Variants in DRC11 observed in about 807,000 individuals in gnomAD.
DRC11 encodes the protein IQ and AAA domain-containing protein 1.
the DRC11 span, among the ~76,000 whole-genome samples, chr2:236,417,625 T>C: frequency 2.5e-3 from 378 of 151,938 alleles, 3 homozygotes; most frequent in African/African-American, 8.7e-3. Flanking sequence ...GTTTGTTACA[T>C]AGGTATACAT....
At chr2:236,433,851 T>C in the DRC11 span, among the ~76,000 whole-genome samples, 2 of 152,248 alleles carry the variant, frequency 1.3e-5, no homozygotes, top group Non-Finnish European at 2.9e-5. Context: ...AGTGGAAATG[T>C]TTCTAGTGAA....
the DRC11 span, among the ~76,000 whole-genome samples, chr2:236,392,718 T>C: frequency 6.6e-6 from 1 of 152,216 alleles, no homozygotes; most frequent in South Asian, 2.1e-4. The surrounding 1 kb of genome is among the most constrained non-coding windows in gnomAD (Gnocchi z 5.1). Context: ...TAATGTTTTA[T>C]CTTACTTTTT....
At chr2:236,357,960 TAATATATGAATATATAC>T in the DRC11 span, among the ~76,000 whole-genome samples, 135 of 101,006 alleles carry the variant, frequency 1.3e-3, no homozygotes, top group African/African-American at 5.5e-3. Flanking sequence ...TAAATATATA[TAATATATGAATATATAC>T]TCATATATAA....
At chr2:236,341,651 G>A in the DRC11 span, among the ~76,000 whole-genome samples, 1 of 152,182 alleles carries the variant, frequency 6.6e-6, no homozygotes, top group South Asian at 2.1e-4. Context: ...TCAGAGGGCC[G>A]CAGGGATGCG....
chr2:236,387,011 C>T, the DRC11 span, among the ~76,000 whole-genome samples: 2 of 151,116 alleles, frequency 1.3e-5, no homozygotes, highest in South Asian at 4.2e-4. Context: ...AGTTTGATTG[C>T]ACTGTGGTCT....
chr2:236,327,138 G>A, the DRC11 span, among the ~76,000 whole-genome samples: 1 of 152,154 alleles, frequency 6.6e-6, no homozygotes, highest in African/African-American at 2.4e-5. Flanking sequence ...TACAGAACCA[G>A]GTCTTATAAT....
chr2:236,365,983 C>G, the DRC11 span, among the ~76,000 whole-genome samples: 1 of 152,142 alleles, frequency 6.6e-6, no homozygotes, highest in Non-Finnish European at 1.5e-5. The surrounding 1 kb of genome is among the most constrained non-coding windows in gnomAD (Gnocchi z 7.4). Flanking sequence ...TAGCCCCTTC[C>G]TAGCCCTGTG....
At chr2:236,447,775 T>G in the DRC11 span, among the ~76,000 whole-genome samples, 1 of 152,064 alleles carries the variant, frequency 6.6e-6, no homozygotes, top group Non-Finnish European at 1.5e-5. This position sits in a 1 kb window ranked among gnomAD's most constrained non-coding sequence, Gnocchi z 4.6. Flanking sequence ...ACGTGATGAG[T>G]TCCATTTTCT....
chr2:236,358,623 G>A, the DRC11 span, among the ~76,000 whole-genome samples: 346 of 144,792 alleles, frequency 2.4e-3, 8 homozygotes, highest in African/African-American at 8.5e-3. Context: ...AGCGGGAAGG[G>A]CTTTTTCTGA....
chr2:236,500,404 G>A, the DRC11 span, among the ~76,000 whole-genome samples: 6 of 152,054 alleles, frequency 3.9e-5, no homozygotes, highest in Non-Finnish European at 5.9e-5. The surrounding 1 kb of genome is among the most constrained non-coding windows in gnomAD (Gnocchi z 6.3). Context: ...GAGGGGTCCC[G>A]TGACACAGAG....
At chr2:236,406,411 G>A in the DRC11 span, among the ~76,000 whole-genome samples, 1 of 152,150 alleles carries the variant, frequency 6.6e-6, no homozygotes, top group Non-Finnish European at 1.5e-5. The surrounding 1 kb of genome is among the most constrained non-coding windows in gnomAD (Gnocchi z 4.7). Flanking sequence ...CACACTGGTA[G>A]GGCTGTGGAA....
the DRC11 span, among the ~76,000 whole-genome samples, chr2:236,365,395 C>T: frequency 1.4e-3 from 214 of 151,904 alleles, 1 homozygote; most frequent in African/African-American, 5.0e-3. This position sits in a 1 kb window ranked among gnomAD's most constrained non-coding sequence, Gnocchi z 7.4. Context: ...TGGTAGCATG[C>T]GGTGAGGGGG....
the DRC11 span, chr2:236,408,904 C>A: frequency 1.5e-6 from 1 of 662,044 alleles, no homozygotes; most frequent in Admixed American, 2.1e-5. The surrounding 1 kb of genome is among the most constrained non-coding windows in gnomAD (Gnocchi z 5.5). Flanking sequence ...CTGTTGACTT[C>A]TTGCACGATG....
At chr2:236,377,165 T>C in the DRC11 span, 1 of 1,612,040 alleles carries the variant, frequency 6.2e-7, no homozygotes, top group African/African-American at 1.3e-5. The surrounding 1 kb of genome is among the most constrained non-coding windows in gnomAD (Gnocchi z 4.9). Context: ...CACCAGTTCC[T>C]TATACAGAGA....
chr2:236,483,709 A>G, the DRC11 span, among the ~76,000 whole-genome samples: 1 of 152,218 alleles, frequency 6.6e-6, no homozygotes, highest in African/African-American at 2.4e-5. This position sits in a 1 kb window ranked among gnomAD's most constrained non-coding sequence, Gnocchi z 4.8. Context: ...GGGCCAGGGT[A>G]AAATGTAAAC....
chr2:236,343,784 AT>A, the DRC11 span: 1 of 1,291,764 alleles, frequency 7.7e-7, no homozygotes, highest in African/African-American at 1.5e-5. The surrounding 1 kb of genome is among the most constrained non-coding windows in gnomAD (Gnocchi z 6.6). Flanking sequence ...CCCAGATTAA[AT>A]AATAAATGAG....
At chr2:236,463,548 A>G in the DRC11 span, among the ~76,000 whole-genome samples, 4 of 152,214 alleles carry the variant, frequency 2.6e-5, no homozygotes, top group Non-Finnish European at 5.9e-5. The surrounding 1 kb of genome is among the most constrained non-coding windows in gnomAD (Gnocchi z 5.0). Flanking sequence ...TCAGTCAAAA[A>G]CATGTCATTG....
chr2:236,373,650 T>C, the DRC11 span, among the ~76,000 whole-genome samples: 10 of 152,252 alleles, frequency 6.6e-5, no homozygotes, highest in African/African-American at 2.4e-4. Context: ...TCTTTTTTTC[T>C]TATGATAATT....
At chr2:236,355,567 C>T in the DRC11 span, among the ~76,000 whole-genome samples, 1 of 152,148 alleles carries the variant, frequency 6.6e-6, no homozygotes. Context: ...GCCGCTAAAT[C>T]CTGTGTCCCT....
Sources: gnomAD v4.1 joint callset for allele counts (sites outside exome capture counted in the v4.1 genomes callset) on GRCh38, gnomAD v4.1.1 for gene constraint, Gnocchi (gnomAD v3.1) non-coding constraint, MANE v1.5 for transcripts, NCBI Gene and HGNC (gene_info 2026-07-23, HGNC 2026-07-21) for gene names.